The following MYO5B variants were observed in gnomAD, a reference collection of about 807,000 sequenced individuals.
MYO5B encodes myosin VB, also known as unconventional myosin-Vb.
A neutral mutation model predicts 229.3 loss-of-function variants in MYO5B; 143 were observed. That is an observed-to-expected ratio of 0.62 (90% CI 0.54 to 0.72). The LOEUF is 0.72. Ranked by LOEUF, MYO5B falls within the 30% of genes least tolerant of loss-of-function variation. The pLI is 0.00. For synonymous variants in MYO5B, 918 were observed against 885.2 expected (o/e 1.04, Z -0.66); for missense variants, 2,321 against 2,331.0 (o/e 1.00, Z 0.09).
At position 49,972,466 on chromosome 18, in the gene MYO5B, T is replaced by C. The variant is rs557199452; in HGVS notation, c.1322+1884A>G. ...ATAGAAATACAACAGAACTGAGGCA[T>C]GGTATTTTATGTAGCAGTAGTAAGG... On this transcript the variant is annotated intron_variant, in intron 10 of 39. Transcript: ENST00000285039. Among the ~76,000 whole-genome samples the C allele has an allele frequency of 8.9e-4, 136 of 152,304 alleles. 1 individual carries two copies. The Middle Eastern group carries it at 0.014, about 15-fold the overall frequency.
At chr18:50,038,006 G>A (rs1259829490) in intron 3 of MYO5B, among the ~76,000 whole-genome samples, 1 of 152,160 alleles carries the variant, frequency 6.6e-6, no homozygotes, top group Non-Finnish European at 1.5e-5. Context: ...GTCCCCTAAA[G>A]AATGGATTGC....
At chr18:49,992,536 C>G in intron 5 of MYO5B, 105 bp from the exon 6 acceptor site, 5 of 1,499,782 alleles carry the variant, frequency 3.3e-6, no homozygotes, top group Non-Finnish European at 4.6e-6. Flanking sequence ...TCCTTACTTA[C>G]AGAAACCCTC....
At chr18:50,043,235 C>T (rs1458827025) in intron 2 of MYO5B, among the ~76,000 whole-genome samples, 1 of 131,168 alleles carries the variant, frequency 7.6e-6, no homozygotes, top group Non-Finnish European at 1.6e-5. Context: ...TATATATACA[C>T]AAATATATAT....
At chr18:50,013,571 T>C (rs1450365752) in intron 4 of MYO5B, among the ~76,000 whole-genome samples, 17 of 152,234 alleles carry the variant, frequency 1.1e-4, no homozygotes, top group Admixed American at 2.6e-4. Flanking sequence ...TAACCCAAGA[T>C]CTTGCTTGTA....
intron 4 of MYO5B, among the ~76,000 whole-genome samples, chr18:50,030,876 G>GGAAAAAAAA (rs2026380039): frequency 3.3e-5 from 1 of 30,484 alleles, no homozygotes; most frequent in Admixed American, 5.7e-4. Flanking sequence ...CTCCCTTTCA[G>GGAAAAAAAA]AAAAAAAAAA....
intron 21 of MYO5B, among the ~76,000 whole-genome samples, chr18:49,897,595 C>A (rs1452462727): frequency 3.9e-5 from 6 of 152,002 alleles, no homozygotes; most frequent in Non-Finnish European, 7.4e-5. Flanking sequence ...AAAAAGCTTA[C>A]AGAATAAGGA....
chr18:49,875,563 G>T, intron 26 of MYO5B, 124 bp downstream of exon 26: 1 of 1,317,742 alleles, frequency 7.6e-7, no homozygotes, highest in Non-Finnish European at 1.1e-6. Context: ...CTAAGTAGGA[G>T]CCCTCTGAGA....
Position 49,974,294 on chromosome 18 carries a change from A to G in MYO5B, c.1322+56T>C, listed in dbSNP as rs549941546. 2.4e-4 allele frequency: 388 copies of G among 1,611,800 alleles called. 4 individuals are homozygous for G. The South Asian group carries it at 4.2e-3, about 17-fold the overall frequency. The stretch of plus-strand genomic sequence containing the variant: ...CCAATGCCCCTGCTGGCTGTAAAGT[A>G]TGAGCAGGAAGCCACTCCCAGGTAG... On this transcript the variant is annotated intron_variant, in intron 10 of 39. Coordinates refer to ENST00000285039, the MANE Select transcript of MYO5B (RefSeq NM_001080467.3).
chr18:50,036,109 A>T (rs2026445302), intron 4 of MYO5B, among the ~76,000 whole-genome samples: 1 of 152,234 alleles, frequency 6.6e-6, no homozygotes, highest in Admixed American at 6.5e-5. Context: ...AGCTCCAAAA[A>T]GTGTTCTCTA....
At chr18:50,037,679 C>G (rs577580597) in intron 3 of MYO5B, among the ~76,000 whole-genome samples, 1 of 152,142 alleles carries the variant, frequency 6.6e-6, no homozygotes, top group South Asian at 2.1e-4. Flanking sequence ...GCAGGAGAAT[C>G]GCTTAAGGCC....
At chr18:49,830,741 G>A (rs1447088827) in intron 39 of MYO5B, among the ~76,000 whole-genome samples, 1 of 148,780 alleles carries the variant, frequency 6.7e-6, no homozygotes, top group African/African-American at 2.5e-5. Flanking sequence ...CCTGAGGCAG[G>A]AGAATTGCTT....
intron 2 of MYO5B, among the ~76,000 whole-genome samples, chr18:50,043,679 AATAT>A (rs1411992062): frequency 7.1e-6 from 1 of 139,900 alleles, no homozygotes; most frequent in Non-Finnish European, 1.5e-5. Flanking sequence ...TATATTTATA[AATAT>A]ATATAAATAT....
chr18:50,046,311 C>T (rs560476425), intron 2 of MYO5B, among the ~76,000 whole-genome samples: 6 of 152,268 alleles, frequency 3.9e-5, no homozygotes, highest in Non-Finnish European at 4.4e-5. Flanking sequence ...AATTAGTCTG[C>T]CTGAAACCTA....
At chr18:49,840,702 G>A (rs1319685645) in intron 35 of MYO5B, among the ~76,000 whole-genome samples, 2 of 152,204 alleles carry the variant, frequency 1.3e-5, no homozygotes, top group African/African-American at 4.8e-5. Context: ...ATATTACTAG[G>A]TCATTGGGCA....
In MYO5B at chr18:49,862,633, C is replaced by G. The variant is rs543480406; in HGVS notation, c.3944+594G>C. ...CAACGCTTGGCCCTGCTGCTGCCCT[C>G]AGACAATCACTCTTGCTTGCCTTAA... On this transcript the variant is annotated intron_variant, in intron 29 of 39. Transcript: ENST00000285039. Among the ~76,000 whole-genome samples, 10 of 152,360 alleles carry G rather than the reference C, an allele frequency of 6.6e-5. No individual in the cohort carries two copies. The East Asian group carries it at 1.7e-3, about 26-fold the overall frequency.
chr18:50,143,179 A>G (rs2144289729), intron 1 of MYO5B, among the ~76,000 whole-genome samples: 1 of 152,250 alleles, frequency 6.6e-6, no homozygotes, highest in East Asian at 1.9e-4. Flanking sequence ...TAAGAAGGTC[A>G]TTGACAAACT....
chr18:49,914,775 C>CAAAAAAA (rs5824810), intron 17 of MYO5B, among the ~76,000 whole-genome samples: 1 of 106,186 alleles, frequency 9.4e-6, no homozygotes. Flanking sequence ...GACCTTGTCT[C>CAAAAAAA]AAAAAAAAAA....
rs771709366 is a variant in MYO5B at position 49,879,025 on chromosome 18, G to A, written c.3196C>T (p.Arg1066Trp). 28 of 1,609,524 alleles carry A rather than the reference G, an allele frequency of 1.7e-5. No homozygotes were observed. The African/African-American group carries it at 1.8e-4, about 10-fold the overall frequency. Residue 1066 changes from arginine (R) to tryptophan (W), a missense_variant, in exon 24 of 40, where the codon CGG (arginine) becomes TGG (tryptophan). Physicochemically the swap from Arg to Trp is moderately radical, Grantham distance 101. This residue lies in a region of MYO5B where 2,113 missense variants were observed against 2,044.7 expected (regional missense o/e 1.03). Transcript: ENST00000285039. ...TATTCCTTCACAAGGTTCTGGTACC[G>A]GGATCGCTCCTCCTCCAGTTCTTTC... The part of the protein sequence containing the change: ...MKKELEEERS[R>W]YQNLVKEYSQ...
chr18:49,836,801 G>C lies in MYO5B; in HGVS notation c.5223C>G (p.Ile1741Met). Residue 1741 changes from isoleucine to methionine, a missense_variant, in exon 38 of 40, where the codon ATC (isoleucine) becomes ATG (methionine). Around this residue, in one of 2 missense-constraint regions of MYO5B, gnomAD observed 208 missense variants for 286.3 expected, o/e 0.73. Transcript: ENST00000285039. Reference protein sequence around the residue: ...SGAVQTMEPLIQAAQLLQLKK... With the variant: ...SGAVQTMEPLMQAAQLLQLKK... ...TTAATTGCAGGAGCTGGGCTGCTTGGATCAGAGGTTCCATGGTCTGAACTG... is the reference window on the plus strand; with the variant it reads ...TTAATTGCAGGAGCTGGGCTGCTTGCATCAGAGGTTCCATGGTCTGAACTG... 6.2e-7 allele frequency: 1 copy of C among 1,614,204 alleles called. No homozygotes were observed. Among genetic ancestry groups the C allele is most frequent in the Non-Finnish European group, 8.5e-7 (1 of 1,180,032 alleles).
Sources: allele counts gnomAD v4.1 joint callset (sites outside exome capture counted in the v4.1 genomes callset), GRCh38; gene constraint gnomAD v4.1.1; regional missense constraint gnomAD v4.1.1; transcripts MANE v1.5; gene names NCBI Gene and HGNC (gene_info 2026-07-23, HGNC 2026-07-21).